The following NGEF variants were observed in gnomAD, a reference collection of about 807,000 sequenced individuals.
The protein encoded by NGEF is neuronal guanine nucleotide exchange factor, also known as ephexin-1.
A neutral mutation model predicts 80.9 loss-of-function variants in NGEF; 31 were observed. That is an observed-to-expected ratio of 0.38 (90% CI 0.29 to 0.52). The LOEUF is 0.52. Among genes scored for constraint, NGEF ranks in the 20% least tolerant of loss-of-function variants. The pLI is 0.84. For synonymous variants in NGEF, 371 were observed against 370.2 expected (o/e 1.00, Z -0.03); for missense variants, 709 against 926.2 (o/e 0.77, Z 3.04).
chr2:232,942,118 G>T (rs902379283), intron 3 of NGEF, among the ~76,000 whole-genome samples: 4 of 152,186 alleles, frequency 2.6e-5, no homozygotes, highest in Non-Finnish European at 5.9e-5. Context: ...CTCCTGCATG[G>T]CTGCATCCCA....
At chr2:232,951,781 C>A (rs1179459789) in intron 3 of NGEF, among the ~76,000 whole-genome samples, 2 of 152,178 alleles carry the variant, frequency 1.3e-5, no homozygotes, top group Non-Finnish European at 2.9e-5. Flanking sequence ...GGAGCAAAAC[C>A]AGTAATTTCT....
chr2:232,893,022 C>T lies in NGEF; in HGVS notation c.1018G>A (p.Glu340Lys). 1 of 1,613,058 alleles carries T rather than the reference C, an allele frequency of 6.2e-7. No individual in the cohort carries two copies. The highest frequency in any genetic ancestry group is 8.5e-7 in the Non-Finnish European group (1 of 1,179,734). ...RFLLELEHRM[E>K]ENIVISDVCD... Reference sequence around the variant, plus strand: ...ACGTCAGAGATGACGATGTTCTCCTCCATCCGGTGCTCCAGCTCCAGGAGG... The same window carrying T: ...ACGTCAGAGATGACGATGTTCTCCTTCATCCGGTGCTCCAGCTCCAGGAGG... Residue 340 changes from glutamate to lysine, a missense_variant, in exon 7 of 15, where the codon GAG becomes AAG. Physicochemically the swap from Glu to Lys is moderately conservative, Grantham distance 56 (BLOSUM62 1). Around this residue, in one of 2 missense-constraint regions of NGEF, gnomAD observed 426 missense variants for 622.9 expected, o/e 0.68. Coordinates refer to ENST00000264051, the MANE Select transcript of NGEF (RefSeq NM_019850.3).
At chr2:232,956,221 G>T (rs1693827325) in intron 3 of NGEF, among the ~76,000 whole-genome samples, 1 of 152,074 alleles carries the variant, frequency 6.6e-6, no homozygotes, top group Non-Finnish European at 1.5e-5. Context: ...TCCCTGAAGG[G>T]ACCTGGCTGG....
intron 3 of NGEF, among the ~76,000 whole-genome samples, chr2:232,948,185 A>G (rs4973582): frequency 0.49 from 55,642 of 113,454 alleles, 10,554 homozygotes; most frequent in East Asian, 0.55. Context: ...GTGTGTGTGT[A>G]TATAATTATT....
chr2:232,929,617 C>T (rs1016460807), intron 3 of NGEF, among the ~76,000 whole-genome samples: 1 of 152,194 alleles, frequency 6.6e-6, no homozygotes, highest in Non-Finnish European at 1.5e-5. Context: ...TTTCCCAAGC[C>T]AAGCACCGCC....
At chr2:232,946,156 C>T (rs1226377197) in intron 3 of NGEF, among the ~76,000 whole-genome samples, 2 of 151,608 alleles carry the variant, frequency 1.3e-5, no homozygotes, top group Admixed American at 1.3e-4. Context: ...AGATTGGAGA[C>T]AGTATTCTAA....
At chr2:232,882,129 C>T in intron 13 of NGEF, 57 bp downstream of exon 13, 1 of 1,512,140 alleles carries the variant, frequency 6.6e-7, no homozygotes. Flanking sequence ...GCACCTGCGG[C>T]ATCCGGCAGG....
At chr2:232,930,016 C>A (rs775197147) in intron 3 of NGEF, among the ~76,000 whole-genome samples, 5 of 152,152 alleles carry the variant, frequency 3.3e-5, no homozygotes, top group Admixed American at 6.5e-5. Context: ...GTGCCTTTCG[C>A]CTTCTGCCAT....
intron 2 of NGEF, among the ~76,000 whole-genome samples, chr2:232,974,092 C>T (rs6748455): frequency 0.59 from 89,666 of 152,134 alleles, 27,630 homozygotes; most frequent in African/African-American, 0.73. Flanking sequence ...GTTTTCTGAA[C>T]TTTATTCTGC....
chr2:232,968,767 T>A (rs1388719486), intron 3 of NGEF, among the ~76,000 whole-genome samples: 1 of 152,258 alleles, frequency 6.6e-6, no homozygotes, highest in Non-Finnish European at 1.5e-5. Flanking sequence ...GGTGGCCATG[T>A]GACCCAGTTT....
intron 9 of NGEF, 123 bp from the exon 10 acceptor site, chr2:232,885,492 G>T: frequency 1.3e-6 from 1 of 766,032 alleles, no homozygotes. Context: ...GCCCACAGCT[G>T]AGGCTGGCTG....
chr2:232,949,671 G>T (rs1235218749), intron 3 of NGEF, among the ~76,000 whole-genome samples: 2 of 149,800 alleles, frequency 1.3e-5, no homozygotes, highest in African/African-American at 2.5e-5. Context: ...TAGAGATGGG[G>T]TTTCTCCGTG....
intron 3 of NGEF, among the ~76,000 whole-genome samples, chr2:232,944,493 TGAA>T (rs1341919762): frequency 1.3e-5 from 2 of 151,886 alleles, no homozygotes; most frequent in Admixed American, 1.3e-4. Flanking sequence ...GACATAAGAA[TGAA>T]GAAGGTGTCC....
intron 1 of NGEF, among the ~76,000 whole-genome samples, chr2:233,010,976 G>A (rs1201753233): frequency 6.6e-6 from 1 of 152,134 alleles, no homozygotes; most frequent in South Asian, 2.1e-4. Context: ...GCTTAGGTGC[G>A]GGGAGAAGGG....
intron 1 of NGEF, among the ~76,000 whole-genome samples, chr2:232,998,019 T>C (rs530863480): frequency 6.6e-6 from 1 of 152,230 alleles, no homozygotes; most frequent in East Asian, 1.9e-4. Flanking sequence ...TGCCCCATGG[T>C]TTCTGAGCAG....
chr2:232,894,511 G>A (rs1051446496), intron 6 of NGEF: 9 of 360,186 alleles, frequency 2.5e-5, no homozygotes, highest in African/African-American at 1.6e-4. Context: ...GATGCTCAGC[G>A]CAGAGCTTTG....
intron 1 of NGEF, among the ~76,000 whole-genome samples, chr2:232,985,054 G>T (rs1177989963): frequency 1.3e-5 from 2 of 152,204 alleles, no homozygotes; most frequent in Admixed American, 1.3e-4. Context: ...ATTTGCTGAA[G>T]GGGAGGGGCT....
At chr2:232,940,629 A>T (rs567969427) in intron 3 of NGEF, among the ~76,000 whole-genome samples, 13 of 152,372 alleles carry the variant, frequency 8.5e-5, no homozygotes, top group South Asian at 4.1e-4. Flanking sequence ...ATATTTCTCA[A>T]ATGGAATACT....
In NGEF at chr2:232,891,394, A is replaced by T. The variant is rs1402096174; in HGVS notation, c.1236T>A (p.Pro412=). The change falls in exon 8 of 15, where the codon CCT becomes CCA. Residue 412 remains proline, a synonymous_variant. Transcript: ENST00000264051. ...GLPFSSFLIL[P]FQRITRLKLL... is the part of the protein sequence containing the mutation. ...GCTTGAGGCGTGTGATCCTCTGGAA[A>T]GGCAGGATGAGGAAGGAGGAGAAGG... 1.2e-6 allele frequency: 2 copies of T among 1,613,678 alleles called. No homozygotes were observed. The highest frequency in any genetic ancestry group is 3.3e-5 in the Admixed American group (2 of 60,028).
Sources: gnomAD v4.1 joint callset for allele counts (sites outside exome capture counted in the v4.1 genomes callset) on GRCh38, gnomAD v4.1.1 for gene constraint, gnomAD v4.1.1 regional missense constraint, MANE v1.5 for transcripts, NCBI Gene and HGNC (gene_info 2026-07-23, HGNC 2026-07-21) for gene names.